The following NAALADL2 variants were observed in gnomAD, a reference collection of about 807,000 sequenced individuals.
NAALADL2 encodes the protein inactive N-acetylated-alpha-linked acidic dipeptidase-like protein 2.
A neutral mutation model predicts 87.2 loss-of-function variants in NAALADL2; 76 were observed. That is an observed-to-expected ratio of 0.87 (90% CI 0.72 to 1.05). The LOEUF (loss-of-function observed/expected upper bound fraction) is 1.05, where lower values mean the gene tolerates loss of function less well. Among genes scored for constraint, NAALADL2 ranks in the 50% least tolerant of loss-of-function variants. NAALADL2 has a pLI of 0.00. For missense variants in NAALADL2, 1,089 were observed against 945.8 expected, an observed-to-expected ratio of 1.15 and a Z score of -1.99; for synonymous variants, 354 against 331.0, an observed-to-expected ratio of 1.07 and a Z score of -0.75.
At chr3:175,375,081 A>C (rs1385125889) in intron 5 of NAALADL2, among the ~76,000 whole-genome samples, 2 of 152,098 alleles carry the variant, frequency 1.3e-5, no homozygotes, top group African/African-American at 2.4e-5. Context: ...TGTTGAAATC[A>C]ATTGCTCATA....
rs1728182393 is a variant in NAALADL2, at chr3:175,634,094, T to C, written c.1896+6708T>C. Among the ~76,000 whole-genome samples, 3 of 151,998 alleles carry C rather than the reference T, an allele frequency of 2.0e-5. No individual in the cohort carries two copies. In the South Asian group the frequency reaches 6.2e-4, roughly 32 times the overall value. On this transcript the variant is annotated intron_variant, in intron 11 of 13. Transcript: ENST00000454872. Reference sequence around the variant, plus strand: ...TATATTTTCCCTTACTTTATAGCTATACATTTTAACTCAGTTTTGCAGTGG... The same window carrying C: ...TATATTTTCCCTTACTTTATAGCTACACATTTTAACTCAGTTTTGCAGTGG...
At chr3:175,181,409 C>T (rs1736444674) in intron 2 of NAALADL2, among the ~76,000 whole-genome samples, 1 of 151,722 alleles carries the variant, frequency 6.6e-6, no homozygotes, top group South Asian at 2.1e-4. Flanking sequence ...ATCTCAAATG[C>T]TTATCATTTA....
intron 2 of NAALADL2, among the ~76,000 whole-genome samples, chr3:175,195,501 T>C (rs1490707744): frequency 1.3e-5 from 2 of 151,708 alleles, no homozygotes; most frequent in Non-Finnish European, 3.0e-5. Context: ...AAGGAATAAA[T>C]GGAAGGGAGG....
chr3:174,871,272 A>G (rs542892692), intron 1 of NAALADL2, among the ~76,000 whole-genome samples: 1 of 152,366 alleles, frequency 6.6e-6, no homozygotes, highest in South Asian at 2.1e-4. Flanking sequence ...TATATTATCC[A>G]TAAACATAAT....
intron 9 of NAALADL2, among the ~76,000 whole-genome samples, chr3:175,558,246 G>T (rs1340466936): frequency 3.3e-5 from 5 of 150,424 alleles, no homozygotes; most frequent in Non-Finnish European, 5.9e-5. Flanking sequence ...TGTCTAATCA[G>T]GTCTTTTGCC....
At chr3:175,174,553 A>G (rs73881423) in intron 2 of NAALADL2, among the ~76,000 whole-genome samples, 2,819 of 152,224 alleles carry the variant, frequency 0.019, 75 homozygotes, top group African/African-American at 0.064. Flanking sequence ...TGTATGTACT[A>G]AAATAGAACA....
At chr3:174,923,331 T>TG (rs1735509228) in intron 1 of NAALADL2, among the ~76,000 whole-genome samples, 1 of 152,070 alleles carries the variant, frequency 6.6e-6, no homozygotes, top group Non-Finnish European at 1.5e-5. Context: ...TAAGTACATA[T>TG]CCATGAGTAC....
In NAALADL2 at chr3:175,537,514, T is replaced by C. The variant is rs1711510285; in HGVS notation, c.1654-38527T>C. On this transcript the variant is annotated intron_variant, in intron 9 of 13. Transcript: ENST00000454872. The stretch of plus-strand genomic sequence containing the variant: ...ATGGTTTAGTGTTCTCTTATACAAA[T>C]AGCAACATTAATTAACAAATATAAA... 2.0e-5 allele frequency among the ~76,000 whole-genome samples: 3 copies of C among 152,188 alleles called. No homozygotes were observed. In the South Asian group the frequency reaches 6.2e-4, roughly 32 times the overall value.
At chr3:175,503,691 A>T (rs1319278309) in intron 9 of NAALADL2, among the ~76,000 whole-genome samples, 1 of 145,340 alleles carries the variant, frequency 6.9e-6, no homozygotes, top group Non-Finnish European at 1.5e-5. Flanking sequence ...GAAGTTGAGC[A>T]TGTTTTCACA....
chr3:174,713,369 G>A lies in NAALADL2; in HGVS notation c.-114-24272G>A, dbSNP rs190906438. ...GTATTTCTAGTTCTAGATCCCTGAGGAATCGCCACACTGACTTCCACAACG... is the reference window on the plus strand; with the variant it reads ...GTATTTCTAGTTCTAGATCCCTGAGAAATCGCCACACTGACTTCCACAACG... On this transcript the variant is annotated intron_variant, in intron 2 of 3. Transcript: ENST00000434257. Among the ~76,000 whole-genome samples, 1,132 of 152,242 alleles carry A rather than the reference G, an allele frequency of 7.4e-3. 16 individuals carry two copies. Among genetic ancestry groups the A allele is most frequent in the Middle Eastern group, 0.027 (8 of 292 alleles).
chr3:175,445,017 C>A (rs935630433), intron 5 of NAALADL2, among the ~76,000 whole-genome samples: 2 of 152,106 alleles, frequency 1.3e-5, no homozygotes, highest in Non-Finnish European at 2.9e-5. Flanking sequence ...TCAAGCTCTG[C>A]GCCCTCTGAA....
intron 5 of NAALADL2, among the ~76,000 whole-genome samples, chr3:175,354,676 C>T (rs1764146379): frequency 6.6e-6 from 1 of 151,812 alleles, no homozygotes; most frequent in African/African-American, 2.4e-5. Flanking sequence ...TGGAATCTTG[C>T]TATGTTTCCA....
intron 5 of NAALADL2, among the ~76,000 whole-genome samples, chr3:175,389,023 G>T (rs1157598919): frequency 6.6e-6 from 1 of 151,918 alleles, no homozygotes; most frequent in East Asian, 1.9e-4. Context: ...TGTTCATTAA[G>T]ATAATCATCC....
At chr3:175,221,738 TG>T (rs1236337878) in intron 2 of NAALADL2, among the ~76,000 whole-genome samples, 1 of 149,614 alleles carries the variant, frequency 6.7e-6, no homozygotes, top group African/African-American at 2.5e-5. Context: ...TCTTTATTTT[TG>T]TAGAGTAGAT....
intron 2 of NAALADL2, among the ~76,000 whole-genome samples, chr3:175,202,018 C>T (rs140601860): frequency 8.5e-5 from 13 of 152,198 alleles, no homozygotes; most frequent in Non-Finnish European, 1.8e-4. Flanking sequence ...ATTCAGTCCA[C>T]ATCACAGCTC....
At chr3:174,505,703 C>A (rs1719162343) in intron 1 of NAALADL2, among the ~76,000 whole-genome samples, 1 of 152,082 alleles carries the variant, frequency 6.6e-6, no homozygotes, top group Non-Finnish European at 1.5e-5. Flanking sequence ...GTATTTTATT[C>A]TGACACTTTA....
chr3:175,257,884 T>TA (rs1020209150), intron 4 of NAALADL2, among the ~76,000 whole-genome samples: 2 of 152,128 alleles, frequency 1.3e-5, no homozygotes, highest in Non-Finnish European at 2.9e-5. Flanking sequence ...TCTAAGCCTT[T>TA]AAAAAATGTA....
intron 5 of NAALADL2, among the ~76,000 whole-genome samples, chr3:175,423,105 A>C (rs1716078056): frequency 6.8e-6 from 1 of 146,804 alleles, no homozygotes; most frequent in African/African-American, 2.5e-5. Flanking sequence ...TAGCTTTTAA[A>C]AAGATTTGCA....
At chr3:175,100,541 A>G (rs1053265284) in intron 2 of NAALADL2, among the ~76,000 whole-genome samples, 8 of 152,170 alleles carry the variant, frequency 5.3e-5, no homozygotes, top group African/African-American at 1.9e-4. Context: ...AGTTGCTGAT[A>G]AAAGTGCAAA....
Sources: allele counts gnomAD v4.1 joint callset (sites outside exome capture counted in the v4.1 genomes callset), GRCh38; gene constraint gnomAD v4.1.1; transcripts MANE v1.5; gene names NCBI Gene and HGNC (gene_info 2026-07-23, HGNC 2026-07-21).